The following DRAM1 variants were observed in gnomAD, a reference collection of about 807,000 sequenced individuals.
The protein encoded by DRAM1 is DNA damage-regulated autophagy modulator protein 1.
A neutral mutation model predicts 28.5 loss-of-function variants in DRAM1; 25 were observed. The ratio of observed to expected loss-of-function variants is 0.88; its 90% CI spans 0.64 to 1.23. DRAM1 has a LOEUF of 1.23. Ranked by LOEUF, DRAM1 falls within the 50% of genes most tolerant of loss-of-function variation. DRAM1 has a pLI of 0.00. For missense variants in DRAM1, 249 were observed against 299.2 expected (o/e 0.83, Z 1.24); for synonymous variants, 113 against 114.2 (o/e 0.99, Z 0.07).
rs775764624 is a variant in DRAM1, at chr12:101,903,926, T to TACACACAC, written c.342+2522_342+2529dup. Among the ~76,000 whole-genome samples, 101 of 136,012 alleles carry TACACACAC rather than the reference T, an allele frequency of 7.4e-4. 1 individual carries two copies. Among genetic ancestry groups the TACACACAC allele is most frequent in the South Asian group, 6.2e-3 (27 of 4,338 alleles). 89.2% of individuals were successfully genotyped at this position (136,012 alleles called of 152,430 possible). A position where few individuals can be genotyped will look rare whatever the true frequency, so the allele number is the denominator to read the frequency against. ...GTGCCTCTGGAAACACACACACACA[T>TACACACAC]ACACACACACACACACACACACACA... On this transcript the variant is annotated intron_variant, in intron 3 of 6. Coordinates refer to ENST00000258534, the MANE Select transcript of DRAM1 (RefSeq NM_018370.3).
At chr12:101,895,186 G>GTTTTTTTTTTTTTTGTTTTTTGTTTTT (rs1873301395) in intron 1 of DRAM1, among the ~76,000 whole-genome samples, 1 of 75,720 alleles carries the variant, frequency 1.3e-5, no homozygotes, top group Non-Finnish European at 2.3e-5. Context: ...AACCCTTCAG[G>GTTTTTTTTTTTTTTGTTTTTTGTTTTT]TTTTTTTTTT....
At chr12:101,914,269 G>A (rs769597842) in intron 5 of DRAM1, 37 bp downstream of exon 5, 9 of 1,547,672 alleles carry the variant, frequency 5.8e-6, no homozygotes, top group South Asian at 3.5e-5. Context: ...GTTGTCGGAC[G>A]TGGTTATGTG....
chr12:101,883,222 GAGGAGTAGGTCA>G (rs1177595386), intron 1 of DRAM1, among the ~76,000 whole-genome samples: 14 of 151,016 alleles, frequency 9.3e-5, no homozygotes, highest in African/African-American at 3.4e-4. Flanking sequence ...GTGATGGAGG[GAGGAGTAGGTCA>G]AGGTCAGTGA....
At chr12:101,902,081 C>G (rs1873626600) in intron 3 of DRAM1, among the ~76,000 whole-genome samples, 1 of 152,060 alleles carries the variant, frequency 6.6e-6, no homozygotes, top group Non-Finnish European at 1.5e-5. Flanking sequence ...TATGTGTTTA[C>G]CAATTCTACC....
At position 101,922,255 on chromosome 12, in the gene DRAM1, C is replaced by G. The variant is rs1382138295; in HGVS notation, c.*995C>G. Reference sequence around the variant, plus strand: ...CCACAACACTATAAGAAATATAAGTCAAGCCCTTTGTGTTAAGCAAGAACT... The same window carrying G: ...CCACAACACTATAAGAAATATAAGTGAAGCCCTTTGTGTTAAGCAAGAACT... On this transcript the variant is annotated 3_prime_UTR_variant, in exon 7 of 7. Transcript: ENST00000258534. 6.6e-6 allele frequency: 1 copy of G among 152,240 alleles called. No homozygotes were observed. Among genetic ancestry groups the G allele is most frequent in the Non-Finnish European group, 1.5e-5 (1 of 68,054 alleles). The allele number at this position is 152,240 out of a possible 1,614,324, so 9.4% of individuals were successfully genotyped here.
At chr12:101,886,157 C>G (rs981471036) in intron 1 of DRAM1, among the ~76,000 whole-genome samples, 1 of 152,162 alleles carries the variant, frequency 6.6e-6, no homozygotes, top group African/African-American at 2.4e-5. Flanking sequence ...AGAAGATTTG[C>G]GGTCCCAGTT....
intron 1 of DRAM1, among the ~76,000 whole-genome samples, chr12:101,880,065 TCAGA>T (rs914636264): frequency 1.9e-4 from 29 of 151,832 alleles, no homozygotes; most frequent in African/African-American, 6.5e-4. Context: ...GTTTGTTTTT[TCAGA>T]CAAAGTCTCG....
intron 3 of DRAM1, among the ~76,000 whole-genome samples, chr12:101,902,952 G>A (rs1214291612): frequency 2.0e-5 from 3 of 150,718 alleles, no homozygotes; most frequent in African/African-American, 7.3e-5. Context: ...ACAGAGTCTT[G>A]CTCTGTCGCC....
At chr12:101,910,570 C>T (rs562913222) in intron 4 of DRAM1, among the ~76,000 whole-genome samples, 3 of 151,926 alleles carry the variant, frequency 2.0e-5, no homozygotes, top group Admixed American at 1.3e-4. Context: ...CTCCGCCTCC[C>T]GGGTTCAAGC....
intron 3 of DRAM1, among the ~76,000 whole-genome samples, chr12:101,901,936 A>G (rs945291888): frequency 1.3e-5 from 2 of 151,120 alleles, no homozygotes; most frequent in African/African-American, 2.4e-5. Flanking sequence ...GCACATTTGC[A>G]TGATTATGAG....
At chr12:101,881,139 G>A (rs371354323) in intron 1 of DRAM1, among the ~76,000 whole-genome samples, 5 of 152,162 alleles carry the variant, frequency 3.3e-5, no homozygotes, top group African/African-American at 7.2e-5. Context: ...AATTAGCTGA[G>A]CGTGGTGGCA....
At chr12:101,883,314 GT>G (rs1225341398) in intron 1 of DRAM1, among the ~76,000 whole-genome samples, 17,846 of 108,976 alleles carry the variant, frequency 0.16, 1,702 homozygotes, top group East Asian at 0.45. Context: ...ACCCAAATAG[GT>G]TTTTTTTTTT....
At chr12:101,907,848 C>G (rs1456721347) in intron 3 of DRAM1, among the ~76,000 whole-genome samples, 1 of 152,154 alleles carries the variant, frequency 6.6e-6, no homozygotes. Context: ...ATACAGAAAT[C>G]GAGGCTTTGC....
At chr12:101,885,361 G>A (rs1258224158) in intron 1 of DRAM1, among the ~76,000 whole-genome samples, 1 of 151,988 alleles carries the variant, frequency 6.6e-6, no homozygotes, top group Non-Finnish European at 1.5e-5. Context: ...AGCTCAAATC[G>A]AGGGAGGGAG....
intron 3 of DRAM1, among the ~76,000 whole-genome samples, chr12:101,902,593 A>C (rs1256625404): frequency 6.6e-6 from 1 of 152,224 alleles, no homozygotes; most frequent in Admixed American, 6.5e-5. Flanking sequence ...TCCTCTGACT[A>C]ACCACATCAT....
intron 1 of DRAM1, chr12:101,890,086 A>G (rs377187207): frequency 2.2e-6 from 1 of 447,422 alleles, no homozygotes. Flanking sequence ...TTTGATTTTT[A>G]TTTATTTTTT....
At chr12:101,910,223 C>G (rs1332943067) in intron 4 of DRAM1, among the ~76,000 whole-genome samples, 1 of 152,134 alleles carries the variant, frequency 6.6e-6, no homozygotes, top group Non-Finnish European at 1.5e-5. Flanking sequence ...AGTTGCTTCT[C>G]AAATCCCTTG....
chr12:101,904,233 C>T (rs1014035316), intron 3 of DRAM1, among the ~76,000 whole-genome samples: 1 of 151,844 alleles, frequency 6.6e-6, no homozygotes, highest in African/African-American at 2.4e-5. Context: ...CTCAGGTGAT[C>T]CTCCCACCTC....
chr12:101,877,983 C>G lies in DRAM1; in HGVS notation c.131+63C>G. 1 of 1,369,964 alleles carries G rather than the reference C, an allele frequency of 7.3e-7. No homozygotes were observed. The highest frequency in any genetic ancestry group is 1.6e-5 in the South Asian group (1 of 62,392). The allele number at this position is 1,369,964 out of a possible 1,614,324, so 84.9% of individuals were successfully genotyped here. On this transcript the variant is annotated intron_variant, in intron 1 of 6. Transcript: ENST00000258534. The surrounding 1 kb of genome is among the most constrained non-coding windows in gnomAD (Gnocchi z 4.1). The stretch of plus-strand genomic sequence containing the variant: ...GCACAGGGACCACAGGGAGCGCTGC[C>G]GACGGGGAGGGAAGGCGTCCGGACC...
Sources: allele counts gnomAD v4.1 joint callset (sites outside exome capture counted in the v4.1 genomes callset), GRCh38; gene constraint gnomAD v4.1.1; non-coding constraint Gnocchi (gnomAD v3.1); transcripts MANE v1.5; gene names NCBI Gene and HGNC (gene_info 2026-07-23, HGNC 2026-07-21).